The following ANKFN1 variants were observed in gnomAD, a reference collection of about 807,000 sequenced individuals.
ANKFN1 encodes the protein ankyrin repeat and fibronectin type-III domain-containing protein 1.
In ANKFN1, 74 loss-of-function variants were observed where a neutral mutation model predicts 108.7. That is an observed-to-expected ratio of 0.68 (90% CI 0.56 to 0.83). The LOEUF (loss-of-function observed/expected upper bound fraction) is 0.83. ANKFN1 is among the 40% of genes least tolerant of loss of function. ANKFN1 has a pLI of 0.00. For missense variants in ANKFN1, 1,505 were observed against 1,382.3 expected (o/e 1.09, Z -1.41); for synonymous variants, 547 against 516.2 (o/e 1.06, Z -0.81).
At chr17:56,091,132 T>G (rs1481848857) in intron 4 of ANKFN1, among the ~76,000 whole-genome samples, 1 of 150,914 alleles carries the variant, frequency 6.6e-6, no homozygotes, top group East Asian at 1.9e-4. Context: ...CTTGTTGAAA[T>G]AAGTAGAATA....
At chr17:56,440,899 G>A (rs1189607540) in intron 9 of ANKFN1, among the ~76,000 whole-genome samples, 1 of 151,274 alleles carries the variant, frequency 6.6e-6, no homozygotes, top group Non-Finnish European at 1.5e-5. Flanking sequence ...AAAAAACGAA[G>A]TCTGTCTAAA....
chr17:56,313,518 C>T (rs1488149338), intron 3 of ANKFN1, among the ~76,000 whole-genome samples: 1 of 152,142 alleles, frequency 6.6e-6, no homozygotes, highest in Non-Finnish European at 1.5e-5. Context: ...TAATCTGAGC[C>T]TTGAGGTGGA....
At chr17:56,489,330 A>C (rs2050954369) in intron 18 of ANKFN1, among the ~76,000 whole-genome samples, 1 of 152,214 alleles carries the variant, frequency 6.6e-6, no homozygotes, top group Non-Finnish European at 1.5e-5. Context: ...ATTTTTAAAA[A>C]TTAGAAGCTT....
chr17:56,089,817 G>A (rs189177748), intron 4 of ANKFN1, among the ~76,000 whole-genome samples: 3 of 151,358 alleles, frequency 2.0e-5, no homozygotes, highest in African/African-American at 7.3e-5. Context: ...TACCAGCCGG[G>A]TCATCTCCAG....
intron 3 of ANKFN1, among the ~76,000 whole-genome samples, chr17:56,321,815 T>C (rs2045375968): frequency 6.6e-6 from 1 of 152,134 alleles, no homozygotes; most frequent in Non-Finnish European, 1.5e-5. Flanking sequence ...AGCCTAATGA[T>C]AAAAAGTAAC....
rs138959650 is a variant in ANKFN1, at chr17:56,272,579, C to T, written c.53+44622C>T. On this transcript the variant is annotated intron_variant, in intron 3 of 20. Transcript: ENST00000682825. ...TATTTTGTTAATCCATTAATCCATC[C>T]ATGGACAATTTGGTTGCTTCTACCT... is the stretch of plus-strand genomic sequence containing the variant. 1.9e-3 allele frequency among the ~76,000 whole-genome samples: 290 copies of T among 152,182 alleles called. 3 individuals are homozygous for T. The highest frequency in any genetic ancestry group is 6.6e-3 in the African/African-American group (275 of 41,498).
chr17:56,269,738 T>A (rs532230745), intron 3 of ANKFN1, among the ~76,000 whole-genome samples: 3 of 152,236 alleles, frequency 2.0e-5, no homozygotes, highest in African/African-American at 7.2e-5. Flanking sequence ...GCAAGGAAAA[T>A]GCAACAGAAT....
chr17:56,391,080 G>A (rs541244335), intron 8 of ANKFN1, among the ~76,000 whole-genome samples: 6 of 150,968 alleles, frequency 4.0e-5, no homozygotes, highest in Admixed American at 1.3e-4. Context: ...TGTTTCATGG[G>A]GAAAATGTTC....
intron 3 of ANKFN1, among the ~76,000 whole-genome samples, chr17:56,323,029 G>T (rs1041679328): frequency 1.3e-5 from 2 of 152,142 alleles, no homozygotes; most frequent in Non-Finnish European, 2.9e-5. Context: ...GGAGAAAGAT[G>T]CAAAATAAAA....
At chr17:56,270,704 G>T (rs1168633092) in intron 3 of ANKFN1, among the ~76,000 whole-genome samples, 1 of 152,054 alleles carries the variant, frequency 6.6e-6, no homozygotes, top group Non-Finnish European at 1.5e-5. Flanking sequence ...CAGCCCTTAC[G>T]ATTCTCCTCA....
At chr17:56,359,840 G>A (rs190068958) in intron 6 of ANKFN1, among the ~76,000 whole-genome samples, 39 of 152,176 alleles carry the variant, frequency 2.6e-4, no homozygotes, top group Admixed American at 2.4e-3. Context: ...CTTCCACATG[G>A]TCCTCCTGGG....
At chr17:56,340,449 T>A (rs1256499961) in intron 4 of ANKFN1, among the ~76,000 whole-genome samples, 2 of 152,100 alleles carry the variant, frequency 1.3e-5, no homozygotes, top group African/African-American at 4.8e-5. Flanking sequence ...GGATTTACAT[T>A]TAAGTCTTTA....
intron 4 of ANKFN1, among the ~76,000 whole-genome samples, chr17:56,081,363 A>T (rs1285031076): frequency 8.1e-6 from 1 of 123,274 alleles, no homozygotes; most frequent in Non-Finnish European, 1.9e-5. Flanking sequence ...TATTATTTTT[A>T]TTTTTTTGAG....
intron 4 of ANKFN1, among the ~76,000 whole-genome samples, chr17:56,060,182 T>C (rs984553811): frequency 1.2e-4 from 19 of 152,154 alleles, no homozygotes; most frequent in Non-Finnish European, 4.4e-5. Context: ...ATTTTATTCT[T>C]TTTGTAGCAA....
chr17:56,391,251 A>ATG (rs370505483), intron 8 of ANKFN1, among the ~76,000 whole-genome samples: 410 of 135,354 alleles, frequency 3.0e-3, no homozygotes, highest in Non-Finnish European at 4.4e-3. Flanking sequence ...ATATATATGT[A>ATG]TGTGTGTGTG....
At chr17:56,142,074 G>A (rs1217317457) in intron 4 of ANKFN1, among the ~76,000 whole-genome samples, 2 of 151,848 alleles carry the variant, frequency 1.3e-5, no homozygotes, top group East Asian at 3.9e-4. Context: ...GGGACTACAG[G>A]CCCTTACCAC....
chr17:56,231,679 A>G (rs1916746883), intron 3 of ANKFN1, among the ~76,000 whole-genome samples: 1 of 152,152 alleles, frequency 6.6e-6, no homozygotes, highest in Non-Finnish European at 1.5e-5. Context: ...TTCTCTTGTC[A>G]TGACCTAAAT....
At chr17:56,120,579 G>A (rs879645678) in intron 4 of ANKFN1, among the ~76,000 whole-genome samples, 9 of 152,112 alleles carry the variant, frequency 5.9e-5, no homozygotes, top group South Asian at 2.1e-4. Context: ...GATTACTGCC[G>A]CCTCCTCTGG....
chr17:56,182,976 G>A (rs1911833751), intron 1 of ANKFN1, among the ~76,000 whole-genome samples: 1 of 152,178 alleles, frequency 6.6e-6, no homozygotes, highest in Non-Finnish European at 1.5e-5. Context: ...TCTGTTTACA[G>A]CATACGGTTT....
Sources: gnomAD v4.1 joint callset for allele counts (sites outside exome capture counted in the v4.1 genomes callset) on GRCh38, gnomAD v4.1.1 for gene constraint, MANE v1.5 for transcripts, NCBI Gene and HGNC (gene_info 2026-07-23, HGNC 2026-07-21) for gene names.